Variants in TANC1 observed in about 807,000 individuals in gnomAD.
TANC1 encodes the protein tetratricopeptide repeat, ankyrin repeat and coiled-coil containing 1, also known as protein TANC1.
A neutral mutation model predicts 149.7 loss-of-function variants in TANC1; 77 were observed. The observed-to-expected ratio is 0.51, with a 90% confidence interval of 0.43 to 0.62. TANC1 has a LOEUF of 0.62. Ranked by LOEUF, TANC1 falls within the 20% of genes least tolerant of loss-of-function variation. TANC1 has a pLI of 0.00. For missense variants in TANC1, 1,985 were observed against 2,321.8 expected (o/e 0.85, Z 2.98); for synonymous variants, 854 against 925.0 (o/e 0.92, Z 1.39).
chr2:159,126,986 C>T (rs1316426938), intron 4 of TANC1, among the ~76,000 whole-genome samples: 1 of 152,210 alleles, frequency 6.6e-6, no homozygotes, highest in Admixed American at 6.5e-5. Flanking sequence ...TGGAAGAAAG[C>T]AGAAATGTTA....
intron 1 of TANC1, among the ~76,000 whole-genome samples, chr2:158,991,083 T>G (rs1372447675): frequency 2.0e-5 from 2 of 98,876 alleles, no homozygotes; most frequent in Non-Finnish European, 3.7e-5. Flanking sequence ...CAGAGCCAGA[T>G]CCTGTGTCAA....
intron 1 of TANC1, among the ~76,000 whole-genome samples, chr2:158,990,118 T>C (rs1490211265): frequency 2.0e-5 from 3 of 152,140 alleles, no homozygotes; most frequent in Non-Finnish European, 4.4e-5. Context: ...GGTTTCACTA[T>C]GTTGGCCAGG....
intron 17 of TANC1, among the ~76,000 whole-genome samples, chr2:159,195,453 T>C (rs1312909253): frequency 1.3e-5 from 2 of 152,214 alleles, no homozygotes; most frequent in African/African-American, 4.8e-5. Context: ...TGAATGAGAA[T>C]GATATCGAGC....
At chr2:159,153,577 C>T (rs1409771459) in intron 7 of TANC1, among the ~76,000 whole-genome samples, 1 of 152,210 alleles carries the variant, frequency 6.6e-6, no homozygotes, top group Non-Finnish European at 1.5e-5. Flanking sequence ...TGCCAAGGGA[C>T]ACGCTGGAGG....
At chr2:159,155,151 T>A (rs1252959790) in intron 7 of TANC1, among the ~76,000 whole-genome samples, 1 of 152,244 alleles carries the variant, frequency 6.6e-6, no homozygotes, top group African/African-American at 2.4e-5. Flanking sequence ...TTTGTGTTTA[T>A]GTACATATCG....
At chr2:159,115,125 T>G (rs188897267) in intron 4 of TANC1, among the ~76,000 whole-genome samples, 361 of 152,240 alleles carry the variant, frequency 2.4e-3, no homozygotes, top group African/African-American at 8.4e-3. Flanking sequence ...CAAAGTGTTG[T>G]GACCTCACGG....
At chr2:159,216,341 CAG>C (rs773907955) in intron 19 of TANC1, among the ~76,000 whole-genome samples, 1 of 152,190 alleles carries the variant, frequency 6.6e-6, no homozygotes, top group African/African-American at 2.4e-5. Context: ...TATTTAGAAA[CAG>C]AGCCATCCCA....
At chr2:159,174,873 G>A in intron 11 of TANC1, 80 bp from the exon 12 acceptor site, 1 of 1,072,980 alleles carries the variant, frequency 9.3e-7, no homozygotes, top group East Asian at 2.4e-5. Context: ...CGAATGGGCA[G>A]AGTTGTGTTC....
chr2:158,978,389 C>T (rs765102567), intron 1 of TANC1, among the ~76,000 whole-genome samples: 1 of 152,118 alleles, frequency 6.6e-6, no homozygotes, highest in Non-Finnish European at 1.5e-5. Context: ...TATTTCCTGG[C>T]TGGTTTGTGT....
chr2:159,205,789 T>C (rs1304004140), intron 19 of TANC1, among the ~76,000 whole-genome samples: 1 of 152,216 alleles, frequency 6.6e-6, no homozygotes, highest in Admixed American at 6.5e-5. Flanking sequence ...CATTAGGTGA[T>C]GCATGCACAT....
At chr2:159,196,511 T>G in intron 17 of TANC1, 97 bp from the exon 18 acceptor site, 3 of 1,026,550 alleles carry the variant, frequency 2.9e-6, no homozygotes, top group Non-Finnish European at 4.3e-6. Flanking sequence ...CATGTACGCT[T>G]ACAGGGAGTG....
chr2:159,051,893 A>G (rs1219966631), intron 2 of TANC1, among the ~76,000 whole-genome samples: 1 of 152,186 alleles, frequency 6.6e-6, no homozygotes, highest in African/African-American at 2.4e-5. Context: ...AACAAAAACC[A>G]TCTCGGTTAC....
intron 2 of TANC1, among the ~76,000 whole-genome samples, chr2:159,016,381 C>T (rs898981197): frequency 6.6e-6 from 1 of 152,120 alleles, no homozygotes; most frequent in Non-Finnish European, 1.5e-5. Context: ...TATGGGAGTA[C>T]AATTCAAGGT....
chr2:159,219,178 G>A (rs2059532422), intron 20 of TANC1, 60 bp from the exon 21 acceptor site: 1 of 1,603,668 alleles, frequency 6.2e-7, no homozygotes. Context: ...ACCTGCCTGG[G>A]TATAGCAGGT....
At position 159,179,082 on chromosome 2, in the gene TANC1, G is replaced by A. The variant is rs764550543; in HGVS notation, c.2429G>A (p.Arg810His). 7.4e-6 allele frequency: 12 copies of A among 1,613,674 alleles called. No homozygotes were observed. The highest frequency in any genetic ancestry group is 2.7e-5 in the African/African-American group (2 of 74,840). Residue 810 changes from arginine to histidine, a missense_variant, in exon 14 of 27, where the codon CGC becomes CAC. Physicochemically the swap from Arg to His is conservative, Grantham distance 29 (BLOSUM62 0). Around this residue, in one of 3 missense-constraint regions of TANC1, gnomAD observed 508 missense variants for 714.2 expected, o/e 0.71. Transcript: ENST00000263635. ...CTCATTAAGAGGCGAGACAAAACCC[G>A]CATGTTCTGCCACCCGTCCTTCAGG... Reference protein sequence around the residue: ...CFLIKRRDKTRMFCHPSFREW... With the variant: ...CFLIKRRDKTHMFCHPSFREW...
intron 2 of TANC1, among the ~76,000 whole-genome samples, chr2:159,062,991 A>AAAAAG (rs1224419572): frequency 7.5e-5 from 11 of 147,176 alleles, no homozygotes; most frequent in Non-Finnish European, 1.4e-4. Context: ...AAAAAAAAAA[A>AAAAAG]AAAAGAAAGC....
Position 159,019,653 on chromosome 2 carries a change from G to GTTTTTTTTT in TANC1, c.-16+18489_-16+18497dup, listed in dbSNP as rs55746240. ...CCTAACTGCAGCTTGCTTTCTTTCT[G>GTTTTTTTTT]TTTTTTTTTTTTTTTTTTTTTTTTT... On this transcript the variant is annotated intron_variant, in intron 2 of 26. Coordinates refer to ENST00000263635, the MANE Select transcript of TANC1 (RefSeq NM_033394.3). Among the ~76,000 whole-genome samples, 221 of 73,292 alleles carry GTTTTTTTTT rather than the reference G, an allele frequency of 3.0e-3. 49 individuals carry two copies. Among genetic ancestry groups the GTTTTTTTTT allele is most frequent in the Non-Finnish European group, 5.0e-3 (197 of 39,224 alleles). The allele number at this position is 73,292 out of a possible 152,430, so 48.1% of individuals were successfully genotyped here.
At chr2:158,997,491 C>T (rs973150112) in intron 1 of TANC1, among the ~76,000 whole-genome samples, 2 of 152,140 alleles carry the variant, frequency 1.3e-5, no homozygotes, top group Admixed American at 1.3e-4. Flanking sequence ...CAATAACACC[C>T]CAGTATCTTG....
chr2:159,134,360 A>G lies in TANC1; in HGVS notation c.260-1834A>G, dbSNP rs1432643496. ...CACCCTGTCGCCCAGGCTAGAATGCAGTGGTGTGATCTTGGCTCACTGCAA... is the reference window on the plus strand; with the variant it reads ...CACCCTGTCGCCCAGGCTAGAATGCGGTGGTGTGATCTTGGCTCACTGCAA... On this transcript the variant is annotated intron_variant, in intron 4 of 26. Coordinates refer to ENST00000263635, the MANE Select transcript of TANC1 (RefSeq NM_033394.3). 1.1e-4 allele frequency among the ~76,000 whole-genome samples: 17 copies of G among 152,328 alleles called. No homozygotes were observed. In the East Asian group the frequency reaches 3.1e-3, roughly 28 times the overall value.
Sources: allele counts gnomAD v4.1 joint callset (sites outside exome capture counted in the v4.1 genomes callset), GRCh38; gene constraint gnomAD v4.1.1; regional missense constraint gnomAD v4.1.1; transcripts MANE v1.5; gene names NCBI Gene and HGNC (gene_info 2026-07-23, HGNC 2026-07-21).